The following ARB2A variants were observed in gnomAD, a reference collection of about 807,000 sequenced individuals.
ARB2A encodes cotranscriptional regulator ARB2A.
chr5:93,794,718 C>T, the ARB2A span, among the ~76,000 whole-genome samples: 1 of 152,098 alleles, frequency 6.6e-6, no homozygotes, highest in African/African-American at 2.4e-5. Flanking sequence ...AGCTACTGGG[C>T]TCTGGTTGGT....
chr5:93,784,520 A>T, the ARB2A span: 1 of 1,581,416 alleles, frequency 6.3e-7, no homozygotes, highest in Admixed American at 1.7e-5. Context: ...AAAGGAAAAT[A>T]AAATATTGGC....
At chr5:94,025,310 G>C in the ARB2A span, among the ~76,000 whole-genome samples, 1 of 152,178 alleles carries the variant, frequency 6.6e-6, no homozygotes, top group African/African-American at 2.4e-5. Context: ...TCTCTTCCTG[G>C]CTAATGGATG....
chr5:93,846,712 G>A, the ARB2A span, among the ~76,000 whole-genome samples: 1 of 151,974 alleles, frequency 6.6e-6, no homozygotes, highest in East Asian at 1.9e-4. Flanking sequence ...TCAAAAACAT[G>A]TTTAATTTAA....
the ARB2A span, among the ~76,000 whole-genome samples, chr5:93,642,488 C>T: frequency 2.0e-5 from 3 of 152,284 alleles, no homozygotes; most frequent in East Asian, 5.8e-4. Context: ...TCTCTTACCT[C>T]AGCCTCCCAA....
chr5:93,813,744 T>C, the ARB2A span, among the ~76,000 whole-genome samples: 20 of 152,148 alleles, frequency 1.3e-4, no homozygotes, highest in Admixed American at 3.9e-4. Flanking sequence ...TCCTGAACTG[T>C]GAGAACAAAT....
At chr5:93,826,878 G>A in the ARB2A span, among the ~76,000 whole-genome samples, 3 of 151,594 alleles carry the variant, frequency 2.0e-5, no homozygotes, top group African/African-American at 7.3e-5. Context: ...AGTTTGCTAA[G>A]AATGATGATT....
chr5:93,867,631 T>A, the ARB2A span, among the ~76,000 whole-genome samples: 1 of 152,182 alleles, frequency 6.6e-6, no homozygotes, highest in South Asian at 2.1e-4. Context: ...TTGGTCAGGA[T>A]GGACTCGATC....
chr5:93,644,238 A>C, the ARB2A span, among the ~76,000 whole-genome samples: 5 of 152,198 alleles, frequency 3.3e-5, no homozygotes, highest in African/African-American at 1.2e-4. Flanking sequence ...TGGTGGTTTC[A>C]GTGTAAGACA....
At chr5:93,931,658 TAC>T in the ARB2A span, among the ~76,000 whole-genome samples, 6 of 152,122 alleles carry the variant, frequency 3.9e-5, no homozygotes, top group African/African-American at 9.6e-5. Flanking sequence ...TACAGAAAAG[TAC>T]ACAAAGTACA....
At chr5:93,830,313 A>G in the ARB2A span, among the ~76,000 whole-genome samples, 3,885 of 51,112 alleles carry the variant, frequency 0.076, 252 homozygotes, top group Non-Finnish European at 0.084. Context: ...GTGTGTGTGT[A>G]TATATATATA....
the ARB2A span, among the ~76,000 whole-genome samples, chr5:94,058,495 T>C: frequency 6.6e-6 from 1 of 152,220 alleles, no homozygotes; most frequent in Non-Finnish European, 1.5e-5. Flanking sequence ...AAATGTTTAA[T>C]CATTAATATA....
chr5:93,688,251 G>A, the ARB2A span, among the ~76,000 whole-genome samples: 1 of 152,170 alleles, frequency 6.6e-6, no homozygotes, highest in African/African-American at 2.4e-5. Context: ...TGGGATTACA[G>A]GCGTAAGCCA....
the ARB2A span, among the ~76,000 whole-genome samples, chr5:93,637,581 C>A: frequency 2.0e-5 from 3 of 152,298 alleles, no homozygotes; most frequent in South Asian, 6.2e-4. Flanking sequence ...CATTGTGCCA[C>A]TTTATATTCC....
the ARB2A span, among the ~76,000 whole-genome samples, chr5:93,922,706 A>G: frequency 2.7e-5 from 4 of 147,604 alleles, no homozygotes; most frequent in Non-Finnish European, 6.0e-5. Context: ...AAGGAAAGAA[A>G]CAACCAACTT....
the ARB2A span, among the ~76,000 whole-genome samples, chr5:94,032,647 G>A: frequency 1.3e-5 from 2 of 152,172 alleles, no homozygotes; most frequent in East Asian, 1.9e-4. Flanking sequence ...AAGCACGTGC[G>A]CTCCACCCAG....
the ARB2A span, among the ~76,000 whole-genome samples, chr5:93,647,227 A>G: frequency 6.6e-6 from 1 of 151,962 alleles, no homozygotes; most frequent in South Asian, 2.1e-4. Flanking sequence ...CCAGGATCAC[A>G]TTTTTTCTTC....
chr5:93,869,161 G>T, the ARB2A span, among the ~76,000 whole-genome samples: 1 of 152,114 alleles, frequency 6.6e-6, no homozygotes, highest in Non-Finnish European at 1.5e-5. Context: ...CGAGACTAGC[G>T]TGATGATTAC....
At chr5:93,947,513 T>TTTA in the ARB2A span, among the ~76,000 whole-genome samples, 3 of 150,668 alleles carry the variant, frequency 2.0e-5, no homozygotes, top group Non-Finnish European at 4.4e-5. Flanking sequence ...ATCTTCTTTT[T>TTTA]ATTATTATTA....
At chr5:93,694,942 G>T in the ARB2A span, among the ~76,000 whole-genome samples, 1 of 152,110 alleles carries the variant, frequency 6.6e-6, no homozygotes, top group Admixed American at 6.5e-5. Context: ...ACTGGGAAAG[G>T]ATACCCTATT....
Sources: gnomAD v4.1 joint callset for allele counts (sites outside exome capture counted in the v4.1 genomes callset) on GRCh38, gnomAD v4.1.1 for gene constraint, MANE v1.5 for transcripts, NCBI Gene and HGNC (gene_info 2026-07-23, HGNC 2026-07-21) for gene names.